Variants in PKHD1 observed in about 807,000 individuals in gnomAD.
PKHD1 encodes the protein PKHD1 ciliary IPT domain containing fibrocystin/polyductin, also known as fibrocystin.
Under a neutral mutation model 412.0 loss-of-function variants are expected in PKHD1, and 291 were observed. The observed-to-expected ratio is 0.71, with a 90% CI of 0.64 to 0.78. PKHD1 has a LOEUF of 0.78. Ranked by LOEUF, PKHD1 falls within the 30% of genes least tolerant of loss-of-function variation. PKHD1 has a pLI of 0.00. For missense variants in PKHD1, 4,825 were observed against 4,950.7 expected (o/e 0.97, Z 0.76); for synonymous variants, 1,777 against 1,821.5 (o/e 0.98, Z 0.62).
chr6:51,810,231 A>C (rs550284635), intron 52 of PKHD1, among the ~76,000 whole-genome samples: 7 of 152,238 alleles, frequency 4.6e-5, no homozygotes, highest in African/African-American at 1.7e-4. Context: ...CGATACTACC[A>C]TGTAAACACT....
chr6:51,800,558 G>A (rs925610968), intron 52 of PKHD1, among the ~76,000 whole-genome samples: 9 of 152,296 alleles, frequency 5.9e-5, no homozygotes, highest in South Asian at 2.1e-4. Flanking sequence ...TAAGTTGAAC[G>A]CTAGATTTAA....
At chr6:52,080,073 C>T (rs1234049645) in intron 4 of PKHD1, 65 bp from the exon 5 acceptor site, 4 of 920,834 alleles carry the variant, frequency 4.3e-6, no homozygotes, top group Non-Finnish European at 5.4e-6. Context: ...TAGCAGCCCA[C>T]TTGCCACTTC....
At chr6:52,072,840 C>T (rs1810833140) in intron 7 of PKHD1, among the ~76,000 whole-genome samples, 1 of 152,198 alleles carries the variant, frequency 6.6e-6, no homozygotes, top group Non-Finnish European at 1.5e-5. Flanking sequence ...ACAATTGCTT[C>T]ATTTGTTGAA....
intron 48 of PKHD1, among the ~76,000 whole-genome samples, chr6:51,866,039 T>A (rs2397070): frequency 1.0e-4 from 15 of 147,482 alleles, no homozygotes; most frequent in Non-Finnish European, 1.8e-4. Context: ...CTAAAAAAAA[T>A]CCCTGGTGCT....
In PKHD1 at chr6:51,882,971, A is replaced by T. The variant is rs959040124; in HGVS notation, c.7350+122T>A. ...ATAAAAAGGTCTTTTAACTTTTACTAATTAAATATGAGATTCACTAAAGAA... is the reference window on the plus strand; with the variant it reads ...ATAAAAAGGTCTTTTAACTTTTACTTATTAAATATGAGATTCACTAAAGAA... On this transcript the variant is annotated intron_variant, in intron 46 of 66. Coordinates refer to ENST00000371117, the MANE Select transcript of PKHD1 (RefSeq NM_138694.4). 3.9e-6 allele frequency: 3 copies of T among 761,676 alleles called. No individual in the cohort carries two copies. The African/African-American group carries it at 5.2e-5, about 13-fold the overall frequency. 47.2% of individuals were successfully genotyped at this position (761,676 alleles called of 1,614,324 possible). A position where few individuals can be genotyped will look rare whatever the true frequency, so the allele number is the denominator to read the frequency against.
chr6:51,908,616 A>G (rs921206469), intron 40 of PKHD1, among the ~76,000 whole-genome samples: 6 of 152,184 alleles, frequency 3.9e-5, no homozygotes, highest in African/African-American at 1.4e-4. Flanking sequence ...TAGAACTTTT[A>G]TCAGTGCATT....
chr6:51,687,154 G>T (rs1228299657), intron 60 of PKHD1, among the ~76,000 whole-genome samples: 14 of 152,054 alleles, frequency 9.2e-5, no homozygotes, highest in Non-Finnish European at 2.9e-5. Context: ...TCACAGAGAG[G>T]AATGAATTAA....
chr6:51,812,525 TA>T (rs1301651752), intron 52 of PKHD1, among the ~76,000 whole-genome samples: 1 of 152,164 alleles, frequency 6.6e-6, no homozygotes, highest in African/African-American at 2.4e-5. Context: ...ACAGAGATAT[TA>T]AAACTGACAA....
intron 46 of PKHD1, among the ~76,000 whole-genome samples, chr6:51,880,606 G>C (rs1322756919): frequency 5.2e-5 from 1 of 19,316 alleles, no homozygotes; most frequent in Admixed American, 8.6e-4. Context: ...TCACACTCTG[G>C]GGACTGTGGT....
chr6:51,976,438 A>C (rs1794448870), intron 35 of PKHD1, among the ~76,000 whole-genome samples: 1 of 152,244 alleles, frequency 6.6e-6, no homozygotes, highest in Non-Finnish European at 1.5e-5. Flanking sequence ...AGTGCCTATT[A>C]GTCAAATACA....
intron 60 of PKHD1, among the ~76,000 whole-genome samples, chr6:51,688,879 C>G (rs1056937367): frequency 1.2e-4 from 18 of 152,036 alleles, no homozygotes; most frequent in Non-Finnish European, 2.4e-4. Context: ...CCAAAAAAAG[C>G]CCAGGACCAG....
intron 60 of PKHD1, among the ~76,000 whole-genome samples, chr6:51,671,352 G>C (rs9463704): frequency 0.92 from 140,266 of 152,280 alleles, 64,749 homozygotes; most frequent in East Asian, 1. Flanking sequence ...GCTCCTGAGG[G>C]TTCCGCATTC....
intron 60 of PKHD1, among the ~76,000 whole-genome samples, chr6:51,666,955 T>C (rs1206464548): frequency 6.6e-6 from 1 of 151,168 alleles, no homozygotes; most frequent in Admixed American, 6.6e-5. Context: ...TGTTGGACAT[T>C]TGGGTTGGTT....
intron 37 of PKHD1, among the ~76,000 whole-genome samples, chr6:51,914,852 CT>C: frequency 1.3e-5 from 2 of 152,158 alleles, no homozygotes; most frequent in South Asian, 4.2e-4. Context: ...GTCCTTGCTT[CT>C]TTCTCTTCAT....
intron 1 of PKHD1, 130 bp from the exon 2 acceptor site, chr6:52,085,147 A>AT (rs1314576759): frequency 1.7e-5 from 9 of 532,572 alleles, no homozygotes; most frequent in Middle Eastern, 5.1e-4. Flanking sequence ...TGGAGCCACC[A>AT]TTTTTCCAAG....
At chr6:51,745,090 A>G (rs1165164065) in intron 59 of PKHD1, among the ~76,000 whole-genome samples, 1 of 152,162 alleles carries the variant, frequency 6.6e-6, no homozygotes, top group East Asian at 1.9e-4. Flanking sequence ...GTTGACTTAC[A>G]GAGAACTTAT....
chr6:51,636,346 T>C (rs917674593), intron 64 of PKHD1, among the ~76,000 whole-genome samples: 1 of 152,058 alleles, frequency 6.6e-6, no homozygotes, highest in African/African-American at 2.4e-5. Context: ...AAGACCAGCC[T>C]GGGCAGCATA....
chr6:51,989,254 T>C (rs568288250), intron 35 of PKHD1, among the ~76,000 whole-genome samples: 1 of 152,330 alleles, frequency 6.6e-6, no homozygotes, highest in South Asian at 2.1e-4. Flanking sequence ...ATTAAAGCCA[T>C]ACTCTTTTAG....
intron 65 of PKHD1, 125 bp from the exon 66 acceptor site, chr6:51,627,241 T>A: frequency 1.1e-6 from 1 of 884,610 alleles, no homozygotes; most frequent in Non-Finnish European, 1.9e-6. Flanking sequence ...AGAAAGCATA[T>A]AACATATTCA....
Sources: gnomAD v4.1 joint callset for allele counts (sites outside exome capture counted in the v4.1 genomes callset) on GRCh38, gnomAD v4.1.1 for gene constraint, MANE v1.5 for transcripts, NCBI Gene and HGNC (gene_info 2026-07-23, HGNC 2026-07-21) for gene names.